Variants in PLEKHA6 observed in about 807,000 individuals in gnomAD.
PLEKHA6 encodes the protein pleckstrin homology domain-containing family A member 6.
Under a neutral mutation model 116.7 loss-of-function variants are expected in PLEKHA6, and 60 were observed. That is an observed-to-expected ratio of 0.51 (90% CI 0.42 to 0.64). The LOEUF is 0.64. Ranked by LOEUF, PLEKHA6 falls within the 30% of genes least tolerant of loss-of-function variation. The pLI, the probability that PLEKHA6 is intolerant of heterozygous loss-of-function variation, is 0.00. For synonymous variants in PLEKHA6, 489 were observed against 556.1 expected (o/e 0.88, Z 1.70); for missense variants, 1,338 against 1,422.7 (o/e 0.94, Z 0.96).
rs530802270 is a variant in PLEKHA6, at chr1:204,277,906, G to C, written c.-94-3097C>G. ...CTGTGGAACCAGAGCTGGTGGCTAG[G>C]ATGGGGCTGCTCAGGCAATATTAAA... On this transcript the variant is annotated intron_variant, in intron 1 of 22. Transcript: ENST00000272203. The surrounding 1 kb of genome is among the most constrained non-coding windows in gnomAD (Gnocchi z 4.1). 6.6e-6 allele frequency: 1 copy of C among 152,376 alleles called. No homozygotes were observed. The highest frequency in any genetic ancestry group is 2.1e-4 in the South Asian group (1 of 4,830). The allele number at this position is 152,376 out of a possible 1,614,324, so 9.4% of individuals were successfully genotyped here.
chr1:204,311,298 C>A (rs1371491324), intron 1 of PLEKHA6, among the ~76,000 whole-genome samples: 1 of 152,008 alleles, frequency 6.6e-6, no homozygotes, highest in African/African-American at 2.4e-5. Flanking sequence ...TTGAAACCAG[C>A]CTGACCAACA....
At chr1:204,360,141 C>G (rs1673526407), upstream of PLEKHA6, among the ~76,000 whole-genome samples, 1 of 152,256 alleles carries the variant, frequency 6.6e-6, no homozygotes, top group Non-Finnish European at 1.5e-5. Flanking sequence ...CCTTCCACCA[C>G]CAGGAGAAGG....
rs370232175 is a variant in PLEKHA6, at chr1:204,373,146, CA to C, written c.84-1541del. Among the ~76,000 whole-genome samples the C allele has an allele frequency of 3.4e-3, 480 of 141,216 alleles. 3 individuals carry two copies. The highest frequency in any genetic ancestry group is 0.018 in the Middle Eastern group (4 of 224). The allele number at this position is 141,216 out of a possible 152,430, so 92.6% of individuals were successfully genotyped here. A position where few individuals can be genotyped will look rare whatever the true frequency, so the allele number is the denominator to read the frequency against. On this transcript the variant is annotated intron_variant, in intron 1 of 4. Transcript: ENST00000564627. The stretch of plus-strand genomic sequence containing the variant: ...ACTCCGTCACCCAGGCTGGAGTGTG[CA>C]GTGGCACGATCTTGCCTCACTGAAA...
At chr1:204,364,988 G>T (rs1425097881) in intron 3 of PLEKHA6, among the ~76,000 whole-genome samples, 1 of 152,186 alleles carries the variant, frequency 6.6e-6, no homozygotes, top group Non-Finnish European at 1.5e-5. Flanking sequence ...ATCATGGGCA[G>T]GGCTTGAAGG....
intron 1 of PLEKHA6, among the ~76,000 whole-genome samples, chr1:204,308,845 C>T (rs759896276): frequency 1.3e-5 from 2 of 151,804 alleles, no homozygotes; most frequent in Admixed American, 6.6e-5. Flanking sequence ...CCCACCATCA[C>T]GCCCGGCTAA....
chr1:204,377,116 G>T (rs148290565), intron 1 of PLEKHA6, among the ~76,000 whole-genome samples: 28 of 152,170 alleles, frequency 1.8e-4, no homozygotes, highest in Non-Finnish European at 3.2e-4. Flanking sequence ...TCCTGGGCAC[G>T]CTGAGTCTGG....
At chr1:204,331,055 T>G (rs1012743396) in intron 1 of PLEKHA6, among the ~76,000 whole-genome samples, 5 of 151,958 alleles carry the variant, frequency 3.3e-5, no homozygotes, top group Non-Finnish European at 7.4e-5. Flanking sequence ...AAATTAGCCA[T>G]GCATGTTGGC....
intron 1 of PLEKHA6, among the ~76,000 whole-genome samples, chr1:204,296,516 T>C (rs1388104268): frequency 6.6e-6 from 1 of 152,142 alleles, no homozygotes; most frequent in African/African-American, 2.4e-5. Flanking sequence ...TTGCTGTGGG[T>C]AGCCCCACCT....
intron 12 of PLEKHA6, 78 bp from the exon 13 acceptor site, chr1:204,247,538 G>C: frequency 2.1e-6 from 2 of 931,924 alleles, no homozygotes; most frequent in Non-Finnish European, 3.4e-6. Flanking sequence ...GGACCCTGGG[G>C]CCAGGGTACC....
intron 11 of PLEKHA6, 70 bp from the exon 12 acceptor site, chr1:204,249,040 T>C: frequency 1.9e-6 from 3 of 1,562,048 alleles, no homozygotes; most frequent in Non-Finnish European, 2.6e-6. Flanking sequence ...AGCAGAGGCC[T>C]GAGCCCTTAG....
intron 1 of PLEKHA6, among the ~76,000 whole-genome samples, chr1:204,299,904 G>A (rs12071957): frequency 0.02 from 3,106 of 152,164 alleles, 89 homozygotes; most frequent in African/African-American, 0.071. Context: ...CAGAGCAGCC[G>A]GCCCTTCTAC....
Position 204,259,860 on chromosome 1 carries a change from G to T in PLEKHA6, c.525-120C>A. ...ATGGGCAGGGAGGTGGCTGGAACCA[G>T]GATTCTATGAACTCCAGTTCTGCTT... On this transcript the variant is annotated intron_variant, in intron 7 of 22. Coordinates refer to ENST00000272203, the MANE Select transcript of PLEKHA6 (RefSeq NM_014935.5). The surrounding 1 kb of genome is among the most constrained non-coding windows in gnomAD (Gnocchi z 4.6). The T allele has an allele frequency of 9.5e-7, 1 of 1,057,246 alleles. No individual in the cohort carries two copies. 65.5% of individuals were successfully genotyped at this position (1,057,246 alleles called of 1,614,324 possible). A position where few individuals can be genotyped will look rare whatever the true frequency, so the allele number is the denominator to read the frequency against.
intron 1 of PLEKHA6, chr1:204,297,887 T>C (rs1450491540): frequency 1.0e-6 from 1 of 984,856 alleles, no homozygotes; most frequent in East Asian, 1.1e-4. Context: ...TCAATGTGAG[T>C]GATAGAGGGA....
intron 21 of PLEKHA6, among the ~76,000 whole-genome samples, chr1:204,226,919 G>A (rs11240701): frequency 0.52 from 78,555 of 152,032 alleles, 20,931 homozygotes; most frequent in African/African-American, 0.66. Context: ...CCACTACTAC[G>A]GCACGCGAGC....
intron 1 of PLEKHA6, among the ~76,000 whole-genome samples, chr1:204,358,155 G>A (rs189089575): frequency 5.9e-5 from 9 of 152,336 alleles, no homozygotes; most frequent in African/African-American, 1.9e-4. Context: ...TCACCTCGCC[G>A]CTGATTGGAA....
chr1:204,260,694 C>T (rs1290415831), intron 7 of PLEKHA6, among the ~76,000 whole-genome samples: 2 of 152,148 alleles, frequency 1.3e-5, no homozygotes, highest in Non-Finnish European at 2.9e-5. Flanking sequence ...CCTGGATCCC[C>T]CTTAGCACCT....
At position 204,280,023 on chromosome 1, in the gene PLEKHA6, A is replaced by G. The variant is rs1668432058; in HGVS notation, c.-94-5214T>C. On this transcript the variant is annotated intron_variant, in intron 1 of 22. Transcript: ENST00000272203. ...GAAAAAATGAAAAATACTTAGTCCC[A>G]GGCTTAAGAAGATCGTGTATGGGGC... Among the ~76,000 whole-genome samples, 2 of 152,222 alleles carry G rather than the reference A, an allele frequency of 1.3e-5. 1 individual carries two copies. The highest frequency in any genetic ancestry group is 4.1e-4 in the South Asian group (2 of 4,828).
chr1:204,336,220 C>T (rs1487196963), intron 1 of PLEKHA6, among the ~76,000 whole-genome samples: 3 of 152,170 alleles, frequency 2.0e-5, no homozygotes, highest in South Asian at 2.1e-4. Flanking sequence ...CAGCAACCCA[C>T]CTGCACCAAG....
At chr1:204,334,425 C>A (rs1403299161) in intron 1 of PLEKHA6, among the ~76,000 whole-genome samples, 1 of 152,188 alleles carries the variant, frequency 6.6e-6, no homozygotes, top group Non-Finnish European at 1.5e-5. Flanking sequence ...GAGGATGGTT[C>A]TGGGGCTATC....
Sources: allele counts gnomAD v4.1 joint callset (sites outside exome capture counted in the v4.1 genomes callset), GRCh38; gene constraint gnomAD v4.1.1; non-coding constraint Gnocchi (gnomAD v3.1); transcripts MANE v1.5; gene names NCBI Gene and HGNC (gene_info 2026-07-23, HGNC 2026-07-21).